FAM186B: variants seen among roughly 807,000 people sequenced by gnomAD.
FAM186B encodes protein FAM186B.
A neutral mutation model predicts 83.4 loss-of-function variants in FAM186B; 68 were observed. That is an observed-to-expected ratio of 0.81 (90% CI 0.67 to 1.00). The LOEUF is 1.00. Among genes scored for constraint, FAM186B ranks in the 50% least tolerant of loss-of-function variants. FAM186B has a pLI of 0.00. For synonymous variants in FAM186B, 389 were observed against 422.0 expected, an observed-to-expected ratio of 0.92 and a Z score of 0.96; for missense variants, 983 against 1,099.2, an observed-to-expected ratio of 0.89 and a Z score of 1.49.
In FAM186B at chr12:49,603,361, G is replaced by C. The variant is rs764871601; in HGVS notation, c.329C>G (p.Thr110Ser). Residue 110 changes from threonine (T) to serine (S), a missense_variant, in exon 3 of 7, where the codon ACT (threonine) becomes AGT (serine). Coordinates refer to ENST00000257894, the MANE Select transcript of FAM186B (RefSeq NM_032130.3). ...CCTGGGCCCAATCTCATAGGTCAGA[G>C]TGTCACCTGGAGAAGGGATGGGAGG... ...ILRWLGDWGD[T>S]LTYEIGPRKS... The C allele has an allele frequency of 3.1e-6, 5 of 1,614,162 alleles. No individual in the cohort carries two copies. Among genetic ancestry groups the C allele is most frequent in the Non-Finnish European group, 4.2e-6 (5 of 1,180,030 alleles).
chr12:49,608,797 C>G (rs1429466377), upstream of FAM186B, among the ~76,000 whole-genome samples: 1 of 151,618 alleles, frequency 6.6e-6, no homozygotes, highest in Non-Finnish European at 1.5e-5. Flanking sequence ...GGAAAGTGCC[C>G]TTTCCACTGG....
rs908119340 is a variant in FAM186B, at chr12:49,588,570, C to T, written c.2418G>A (p.Lys806=). 2 of 1,611,470 alleles carry T rather than the reference C, an allele frequency of 1.2e-6. No homozygotes were observed. The highest frequency in any genetic ancestry group is 1.7e-5 in the Admixed American group (1 of 59,752). Residue 806 remains lysine (K), a synonymous_variant, in exon 6 of 7, where the codon AAG becomes AAA. Coordinates refer to ENST00000257894, the MANE Select transcript of FAM186B (RefSeq NM_032130.3). ...CTGCAGGCAACTTGCATTTCTTTGG[C>T]TTTGGCGAGGTGACCTCAGGGATGT... is the stretch of plus-strand genomic sequence containing the variant. The part of the protein sequence containing the change: ...HLNIPEVTSP[K]PKKCKLPAAS...
At chr12:49,584,373 AC>A, downstream of FAM186B, 5 of 636,640 alleles carry the variant, frequency 7.9e-6, 1 homozygote, top group South Asian at 9.0e-5. Context: ...GTACTCAGCA[AC>A]CCCCAGAGGG....
rs762938144 is a variant in FAM186B at position 49,605,473 on chromosome 12, T to C, written c.5A>G (p.Glu2Gly). M[E>G]KDDPPQLVTP... ...CACCAACTGTGGGGGGTCATCCTTC[T>C]CCATTTTGGATCACTCTGTCAGTCA... is the stretch of plus-strand genomic sequence containing the variant. The change falls in exon 1 of 7, where the codon GAG becomes GGG. Residue 2 changes from glutamate (E) to glycine (G), a missense_variant. Transcript: ENST00000257894. 2 of 1,612,966 alleles carry C rather than the reference T, an allele frequency of 1.2e-6. No homozygotes were observed. Among genetic ancestry groups the C allele is most frequent in the Non-Finnish European group, 1.7e-6 (2 of 1,179,626 alleles).
Position 49,605,593 on chromosome 12 carries a change from GC to G in FAM186B, c.-117del. 9.2e-7 allele frequency: 1 copy of G among 1,082,108 alleles called. No homozygotes were observed. The highest frequency in any genetic ancestry group is 1.3e-6 in the Non-Finnish European group (1 of 761,284). The allele number at this position is 1,082,108 out of a possible 1,614,324, so 67.0% of individuals were successfully genotyped here. On this transcript the variant is annotated 5_prime_UTR_variant, in exon 1 of 7. Coordinates refer to ENST00000257894, the MANE Select transcript of FAM186B (RefSeq NM_032130.3). ...CCAGGGTGTCTCCTGGGTACCCTCT[GC>G]CCAGGCACAGCTCCTCTGGTAACTG... is the stretch of plus-strand genomic sequence containing the variant.
At chr12:49,615,123 C>T in the FAM186B span, among the ~76,000 whole-genome samples, 18 of 150,424 alleles carry the variant, frequency 1.2e-4, no homozygotes, top group African/African-American at 1.7e-4. Flanking sequence ...AGCGAGACTC[C>T]GTCTCAAAAA....
At chr12:49,585,165 C>G (rs1218665584), downstream of FAM186B, among the ~76,000 whole-genome samples, 1 of 152,116 alleles carries the variant, frequency 6.6e-6, no homozygotes, top group African/African-American at 2.4e-5. Context: ...ACTACAGGCG[C>G]CCGCCACCAT....
intron 4 of FAM186B, 29 bp downstream of exon 4, chr12:49,599,440 G>C: frequency 2.0e-6 from 3 of 1,512,572 alleles, no homozygotes; most frequent in Non-Finnish European, 2.6e-6. Flanking sequence ...CAGCAGGTGG[G>C]TGCCAGGTGG....
At chr12:49,612,376 T>G in the FAM186B span, among the ~76,000 whole-genome samples, 8 of 151,730 alleles carry the variant, frequency 5.3e-5, no homozygotes, top group Non-Finnish European at 1.0e-4. Flanking sequence ...AGTTTTTTTT[T>G]TTTTTTTTTT....
chr12:49,606,486 GACACACACACACACACACAC>G (rs57458344), upstream of FAM186B, among the ~76,000 whole-genome samples: 2,351 of 136,086 alleles, frequency 0.017, 61 homozygotes, highest in African/African-American at 0.06. Context: ...TAGATACCCT[GACACACACACACACACACAC>G]ACACACACAC....
At chr12:49,583,131 GA>G (rs1408901896), downstream of FAM186B, 1 of 449,098 alleles carries the variant, frequency 2.2e-6, no homozygotes, top group East Asian at 7.0e-5. Context: ...TGAAACCTTT[GA>G]AAATATGGGT....
intron 3 of FAM186B, 135 bp downstream of exon 3, chr12:49,603,050 C>T (rs1314002225): frequency 2.2e-6 from 2 of 929,990 alleles, no homozygotes; most frequent in African/African-American, 1.6e-5. Flanking sequence ...CCCCTCACCA[C>T]TGCCCATCCA....
chr12:49,585,887 C>T (rs1354443047), downstream of FAM186B, among the ~76,000 whole-genome samples: 2 of 152,218 alleles, frequency 1.3e-5, no homozygotes, highest in Admixed American at 1.3e-4. Flanking sequence ...GCAGCACGGC[C>T]ACCACCCTGA....
In FAM186B at chr12:49,604,484, G is replaced by A. The variant is rs201365496; in HGVS notation, c.151C>T (p.Arg51Cys). The A allele has an allele frequency of 1.4e-5, 22 of 1,614,154 alleles. No individual in the cohort carries two copies. In the Middle Eastern group the frequency reaches 4.9e-4, roughly 36 times the overall value. ...TCATATCCTAATTCTTCCTGGAAGC[G>A]GTTGATGACACAATTGACATTGTCC... ...ILDNVNCVIN[R>C]FQEELGYDLK... Residue 51 changes from arginine to cysteine, a missense_variant, in exon 2 of 7, where the codon CGC (arginine) becomes TGC (cysteine). Physicochemically the swap from Arg to Cys is radical, Grantham distance 180. Transcript: ENST00000257894.
At chr12:49,619,075 T>G in the FAM186B span, among the ~76,000 whole-genome samples, 2 of 152,238 alleles carry the variant, frequency 1.3e-5, no homozygotes, top group African/African-American at 2.4e-5. Flanking sequence ...CATGTAGCAA[T>G]GCCTTCATAA....
At chr12:49,597,294 C>T (rs1939750054) in intron 5 of FAM186B, among the ~76,000 whole-genome samples, 1 of 152,132 alleles carries the variant, frequency 6.6e-6, no homozygotes, top group South Asian at 2.1e-4. Context: ...AAAAGGAGAT[C>T]CTGCCATTTG....
At chr12:49,604,073 C>T in intron 2 of FAM186B, 1 of 531,096 alleles carries the variant, frequency 1.9e-6, no homozygotes, top group East Asian at 3.0e-5. Flanking sequence ...TTCTATCCTG[C>T]ACAAAAATGA....
chr12:49,600,026 T>G lies in FAM186B; in HGVS notation c.1614A>C (p.Glu538Asp), dbSNP rs776610710. 1 of 1,608,546 alleles carries G rather than the reference T, an allele frequency of 6.2e-7. No homozygotes were observed. Among genetic ancestry groups the G allele is most frequent in the East Asian group, 2.2e-5 (1 of 44,850 alleles). ...CTCTCCGTGGGCTCTCCTGCTCCTT[T>G]TCTAGCTGGACCCATCTCCGCTGTT... ...REQQRRWVQL[E>D]KEQESPRREP... The change falls in exon 4 of 7, where the codon GAA becomes GAC. Residue 538 changes from glutamate to aspartate, a missense_variant. Glu to Asp is a conservative substitution (Grantham distance 45, BLOSUM62 2). Transcript: ENST00000257894. The surrounding 1 kb of genome is among the most constrained non-coding windows in gnomAD (Gnocchi z 4.3).
the FAM186B span, among the ~76,000 whole-genome samples, chr12:49,620,789 TA>T: frequency 6.6e-6 from 1 of 152,208 alleles, no homozygotes; most frequent in Non-Finnish European, 1.5e-5. Flanking sequence ...TCATGGAAGG[TA>T]ACTGAAGAAC....
Sources: allele counts gnomAD v4.1 joint callset (sites outside exome capture counted in the v4.1 genomes callset), GRCh38; gene constraint gnomAD v4.1.1; non-coding constraint Gnocchi (gnomAD v3.1); transcripts MANE v1.5; gene names NCBI Gene and HGNC (gene_info 2026-07-23, HGNC 2026-07-21).